The following SLC25A44 variants were observed in gnomAD, a reference collection of about 807,000 sequenced individuals.
SLC25A44 encodes solute carrier family 25, member 44.
In SLC25A44, 17 loss-of-function variants were observed where a neutral mutation model predicts 29.9. That is an observed-to-expected ratio of 0.57 (90% CI 0.39 to 0.85). The LOEUF (loss-of-function observed/expected upper bound fraction) is 0.85, where lower values mean the gene tolerates loss of function less well. Among genes scored for constraint, SLC25A44 ranks in the 40% least tolerant of loss-of-function variants. The probability of loss-of-function intolerance (pLI) is 0.00; values close to 1 mark genes in which losing one functional copy is unlikely to be tolerated. For synonymous variants in SLC25A44, 140 were observed against 151.8 expected, an observed-to-expected ratio of 0.92 and a Z score of 0.57; for missense variants, 302 against 398.4, an observed-to-expected ratio of 0.76 and a Z score of 2.06.
intron 1 of SLC25A44, among the ~76,000 whole-genome samples, chr1:156,195,355 G>A (rs1467825484): frequency 4.6e-5 from 7 of 151,990 alleles, no homozygotes; most frequent in East Asian, 1.9e-4. Flanking sequence ...CGCCCGCCTC[G>A]GCCTCCCAAA....
chr1:156,211,699 C>G lies in SLC25A44; in HGVS notation c.*1268C>G, dbSNP rs1435181995. The G allele has an allele frequency of 6.5e-6, 1 of 152,766 alleles. No individual in the cohort carries two copies. The highest frequency in any genetic ancestry group is 1.5e-5 in the Non-Finnish European group (1 of 68,040). The allele number at this position is 152,766 out of a possible 1,614,324, so 9.5% of individuals were successfully genotyped here. A position where few individuals can be genotyped will look rare whatever the true frequency, so the allele number is the denominator to read the frequency against. On this transcript the variant is annotated 3_prime_UTR_variant, in exon 4 of 4. Coordinates refer to ENST00000359511, the MANE Select transcript of SLC25A44 (RefSeq NM_014655.4). ...CTGATACTGCCAAGATTATCTGATG[C>G]TCTCCTCAGGAGCTAGGAGAGGAGT...
At chr1:156,199,563 CAGGG>C in intron 1 of SLC25A44, 2 of 456,912 alleles carry the variant, frequency 4.4e-6, no homozygotes, top group Non-Finnish European at 3.9e-6. Context: ...GCCATGGAGC[CAGGG>C]GAATCATTGA....
At chr1:156,206,394 C>A (rs754853529) in intron 2 of SLC25A44, among the ~76,000 whole-genome samples, 3 of 152,056 alleles carry the variant, frequency 2.0e-5, no homozygotes, top group Non-Finnish European at 4.4e-5. Flanking sequence ...TGCACCACCA[C>A]GTCCGGTTAA....
chr1:156,202,210 C>T (rs1275790163), intron 2 of SLC25A44, among the ~76,000 whole-genome samples: 3 of 152,162 alleles, frequency 2.0e-5, no homozygotes, highest in Non-Finnish European at 2.9e-5. Flanking sequence ...TGCTGCCTTC[C>T]CTGGAAACCA....
At chr1:156,202,588 T>G (rs1341605705) in intron 2 of SLC25A44, among the ~76,000 whole-genome samples, 2 of 152,202 alleles carry the variant, frequency 1.3e-5, no homozygotes. Flanking sequence ...TGACTTACCT[T>G]AAGTGCTCCT....
chr1:156,207,514 G>T (rs563663650), intron 2 of SLC25A44, among the ~76,000 whole-genome samples: 13 of 152,142 alleles, frequency 8.5e-5, no homozygotes, highest in Non-Finnish European at 1.3e-4. Flanking sequence ...GCTGGGAATG[G>T]TAGCACAAGC....
chr1:156,204,648 G>T (rs771130716), intron 2 of SLC25A44, among the ~76,000 whole-genome samples: 3 of 151,456 alleles, frequency 2.0e-5, no homozygotes, highest in African/African-American at 7.3e-5. Context: ...TGCCACACCC[G>T]GCAAATTTTT....
rs41265027 is a variant in SLC25A44 at position 156,199,426 on chromosome 1, C to T, written c.-13-409C>T. The T allele has an allele frequency of 5.5e-3, 1,097 of 200,440 alleles. 8 individuals carry two copies. The highest frequency in any genetic ancestry group is 0.011 in the Admixed American group (208 of 18,888). The allele number at this position is 200,440 out of a possible 1,614,324, so 12.4% of individuals were successfully genotyped here. A position where few individuals can be genotyped will look rare whatever the true frequency, so the allele number is the denominator to read the frequency against. The stretch of plus-strand genomic sequence containing the variant: ...CAGGTAGTTGGTTTGTCCATAGCAT[C>T]CTGAGCTCTGCTTGGGTGAGCCAGA... On this transcript the variant is annotated intron_variant, in intron 1 of 3. Transcript: ENST00000359511.
At chr1:156,205,927 A>G (rs570558730) in intron 2 of SLC25A44, among the ~76,000 whole-genome samples, 1 of 152,282 alleles carries the variant, frequency 6.6e-6, no homozygotes, top group African/African-American at 2.4e-5. Flanking sequence ...TTTCACCTCC[A>G]GAGAGAGTAA....
chr1:156,199,650 T>C (rs1656426062), intron 1 of SLC25A44, 185 bp from the exon 2 acceptor site: 3 of 600,312 alleles, frequency 5.0e-6, no homozygotes, highest in African/African-American at 1.9e-5. Flanking sequence ...GGGGACAGTA[T>C]CCTGATCTAT....
chr1:156,200,168 T>A lies in SLC25A44; in HGVS notation c.321T>A (p.Ser107Arg). The change falls in exon 2 of 4, where the codon AGT (serine) becomes AGA (arginine). Residue 107 changes from serine to arginine, a missense_variant. Physicochemically the swap from Ser to Arg is moderately radical, Grantham distance 110. Transcript: ENST00000359511. ...AGTTTGTAGCTGACTACAGCCAGAG[T>A]AACACAGTCAAATCACTGGTGGCTG... is the stretch of plus-strand genomic sequence containing the variant. ...TRKFVADYSQ[S>R]NTVKSLVAGG... 6.2e-7 allele frequency: 1 copy of A among 1,614,146 alleles called. No homozygotes were observed. Among genetic ancestry groups the A allele is most frequent in the Non-Finnish European group, 8.5e-7 (1 of 1,180,028 alleles).
At chr1:156,209,568 G>A (rs1657164506) in intron 3 of SLC25A44, among the ~76,000 whole-genome samples, 1 of 152,132 alleles carries the variant, frequency 6.6e-6, no homozygotes, top group Admixed American at 6.6e-5. Flanking sequence ...TTAGGGGTTG[G>A]GGAGGGTGTG....
Position 156,210,483 on chromosome 1 carries a change from G to A in SLC25A44, c.*52G>A, listed in dbSNP as rs370012828. 2.1e-6 allele frequency: 3 copies of A among 1,401,392 alleles called. No individual in the cohort carries two copies. Among genetic ancestry groups the A allele is most frequent in the Admixed American group, 4.5e-5 (2 of 43,958 alleles). The allele number at this position is 1,401,392 out of a possible 1,614,324, so 86.8% of individuals were successfully genotyped here. A position where few individuals can be genotyped will look rare whatever the true frequency, so the allele number is the denominator to read the frequency against. On this transcript the variant is annotated 3_prime_UTR_variant, in exon 4 of 4. Transcript: ENST00000359511. Reference sequence around the variant, plus strand: ...TTTTCCACACTACCGTGGGTCAGGGGCAGAGTGGAGAGGACAGCACCCTCT... The same window carrying A: ...TTTTCCACACTACCGTGGGTCAGGGACAGAGTGGAGAGGACAGCACCCTCT...
At chr1:156,210,193 G>C in intron 3 of SLC25A44, 47 bp from the exon 4 acceptor site, 2 of 1,366,046 alleles carry the variant, frequency 1.5e-6, no homozygotes, top group Non-Finnish European at 2.0e-6. Flanking sequence ...TTGAGCAGAG[G>C]GGCTCTGACT....
rs770813066 is a variant in SLC25A44, at chr1:156,200,229, G to A, written c.382G>A (p.Val128Met). ...SASLVAQSITVPIDVVSQHLM... is the reference protein window; with the variant it reads ...SASLVAQSITMPIDVVSQHLM... ...CTCCCTTGTGGCCCAGAGCATCACAGTGCCCATTGATGTAGTCTCCCAGCA... is the reference window on the plus strand; with the variant it reads ...CTCCCTTGTGGCCCAGAGCATCACAATGCCCATTGATGTAGTCTCCCAGCA... The change falls in exon 2 of 4, where the codon GTG (valine) becomes ATG (methionine). Residue 128 changes from valine (V) to methionine (M), a missense_variant. By Grantham distance (21) the Val-to-Met change is conservative (BLOSUM62 1). Coordinates refer to ENST00000359511, the MANE Select transcript of SLC25A44 (RefSeq NM_014655.4). The A allele has an allele frequency of 9.3e-6, 15 of 1,614,212 alleles. No homozygotes were observed. The highest frequency in any genetic ancestry group is 1.1e-5 in the Non-Finnish European group (13 of 1,180,046).
chr1:156,205,136 C>A (rs1452484827), intron 2 of SLC25A44, among the ~76,000 whole-genome samples: 1 of 152,044 alleles, frequency 6.6e-6, no homozygotes, highest in African/African-American at 2.4e-5. Flanking sequence ...CTCCACCTCC[C>A]GGGTTCAAGC....
At chr1:156,200,650 C>A (rs772258514) in intron 2 of SLC25A44, among the ~76,000 whole-genome samples, 178 bp downstream of exon 2, 1 of 152,048 alleles carries the variant, frequency 6.6e-6, no homozygotes, top group Non-Finnish European at 1.5e-5. Flanking sequence ...TTTATACTTT[C>A]AAGGAGCTTC....
At position 156,211,100 on chromosome 1, in the gene SLC25A44, G is replaced by GTT. The variant is rs56120841; in HGVS notation, c.*672_*673dup. ...TGTGTGTGTGTGTGTGTGTGTGTGT[G>GTT]TTTTAACATCTGTGAACCAGGCTAT... On this transcript the variant is annotated 3_prime_UTR_variant, in exon 4 of 4. Coordinates refer to ENST00000359511, the MANE Select transcript of SLC25A44 (RefSeq NM_014655.4). 2 of 149,248 alleles carry GTT rather than the reference G, an allele frequency of 1.3e-5. No individual in the cohort carries two copies. Among genetic ancestry groups the GTT allele is most frequent in the Admixed American group, 1.4e-4 (2 of 14,812 alleles). 9.2% of individuals were successfully genotyped at this position (149,248 alleles called of 1,614,324 possible). A position where few individuals can be genotyped will look rare whatever the true frequency, so the allele number is the denominator to read the frequency against.
At chr1:156,209,324 T>C (rs1251479922) in intron 3 of SLC25A44, among the ~76,000 whole-genome samples, 1 of 152,058 alleles carries the variant, frequency 6.6e-6, no homozygotes, top group Non-Finnish European at 1.5e-5. Context: ...TTGACATGGC[T>C]GTGGAAAAAG....
Sources: gnomAD v4.1 joint callset for allele counts (sites outside exome capture counted in the v4.1 genomes callset) on GRCh38, gnomAD v4.1.1 for gene constraint, MANE v1.5 for transcripts, NCBI Gene and HGNC (gene_info 2026-07-23, HGNC 2026-07-21) for gene names.